Variants in GOLGA6L9 observed in about 807,000 individuals in gnomAD.
GOLGA6L9 encodes the protein golgin A6 family like 9.
A neutral mutation model predicts 51.3 loss-of-function variants in GOLGA6L9; 19 were observed. The observed-to-expected ratio is 0.37, with a 90% CI of 0.26 to 0.54. The LOEUF (loss-of-function observed/expected upper bound fraction) is 0.54. Ranked by LOEUF, GOLGA6L9 falls within the 20% of genes least tolerant of loss-of-function variation. The probability of loss-of-function intolerance (pLI) is 0.83; values close to 1 mark genes in which losing one functional copy is unlikely to be tolerated. For synonymous variants in GOLGA6L9, 97 were observed against 184.2 expected (o/e 0.53, Z 3.83); for missense variants, 247 against 464.1 (o/e 0.53, Z 4.30).
the GOLGA6L9 span, among the ~76,000 whole-genome samples, chr15:82,420,579 T>C: frequency 2.0e-5 from 3 of 152,242 alleles, no homozygotes; most frequent in African/African-American, 7.2e-5. Context: ...ATTATTAATA[T>C]CTGCATTTTA....
Position 82,434,253 on chromosome 15 carries a change from A to G in GOLGA6L9, c.653A>G (p.Gln218Arg). ...GAACAGGAGGAGAGGCTGTGTGAAC[A>G]GGAGGAGAGGCTGTGTGAACAGGAG... ...LREQEERLCE[Q>R]EERLCEQEER... Residue 218 changes from glutamine to arginine, a missense_variant, in exon 6 of 9, where the codon CAG (glutamine) becomes CGG (arginine). Coordinates refer to ENST00000618348, the MANE Select transcript of GOLGA6L9 (RefSeq NM_198181.4). 2.6e-6 allele frequency: 4 copies of G among 1,552,974 alleles called. No individual in the cohort carries two copies. The highest frequency in any genetic ancestry group is 2.3e-4 in the Middle Eastern group (1 of 4,364).
In GOLGA6L9 at chr15:82,431,876, C is replaced by T. The variant is rs2031415212; in HGVS notation, c.131C>T (p.Ala44Val). The T allele has an allele frequency of 1.4e-6, 2 of 1,446,108 alleles. 1 individual carries two copies. Among genetic ancestry groups the T allele is most frequent in the African/African-American group, 2.9e-5 (2 of 67,886 alleles). 89.6% of individuals were successfully genotyped at this position (1,446,108 alleles called of 1,614,324 possible). ...AAGAGCCCTGGCATTCCAGCAGGAGCTAACAGGAAAAAGAAAATCAATGGC... is the reference window on the plus strand; with the variant it reads ...AAGAGCCCTGGCATTCCAGCAGGAGTTAACAGGAAAAAGAAAATCAATGGC... ...QRKSPGIPAG[A>V]NRKKKINGSS... The change falls in exon 2 of 9, where the codon GCT (alanine) becomes GTT (valine). Residue 44 changes from alanine to valine, a missense_variant. Ala to Val is a moderately conservative substitution (Grantham distance 64, BLOSUM62 0). Coordinates refer to ENST00000618348, the MANE Select transcript of GOLGA6L9 (RefSeq NM_198181.4).
chr15:82,419,821 G>T, the GOLGA6L9 span, among the ~76,000 whole-genome samples: 1 of 152,014 alleles, frequency 6.6e-6, no homozygotes, highest in African/African-American at 2.4e-5. Flanking sequence ...TTGTTTTTTT[G>T]TGAGATTCTG....
Position 82,436,599 on chromosome 15 carries a change from T to A in GOLGA6L9, c.*188T>A, listed in dbSNP as rs2031693609. 5.1e-6 allele frequency: 3 copies of A among 588,550 alleles called. No individual in the cohort carries two copies. The highest frequency in any genetic ancestry group is 8.0e-6 in the Non-Finnish European group (3 of 374,760). The allele number at this position is 588,550 out of a possible 1,614,324, so 36.5% of individuals were successfully genotyped here. A position where few individuals can be genotyped will look rare whatever the true frequency, so the allele number is the denominator to read the frequency against. On this transcript the variant is annotated 3_prime_UTR_variant, in exon 9 of 9. Transcript: ENST00000618348. ...TTCTAATTTATAGTTTAAATTTATTTGTGTTTCTAATTTATAGTTTAAATT... is the reference window on the plus strand; with the variant it reads ...TTCTAATTTATAGTTTAAATTTATTAGTGTTTCTAATTTATAGTTTAAATT...
upstream of GOLGA6L9, among the ~76,000 whole-genome samples, chr15:82,424,839 AGATG>A (rs1476943637): frequency 2.7e-5 from 4 of 146,730 alleles, no homozygotes; most frequent in African/African-American, 7.7e-5. Flanking sequence ...CAATCAAGGG[AGATG>A]GATGGGTGAG....
At position 82,434,140 on chromosome 15, in the gene GOLGA6L9, C is replaced by T; in HGVS notation, c.540C>T (p.Leu180=). ...RKELESVGRQ[L]QAEVENNQML... is the part of the protein sequence containing the mutation. ...AGCTAGAGAGTGTGGGAAGACAGCT[C>T]CAGGCTGAGGTGGAAAACAATCAGA... The change falls in exon 6 of 9, where the codon CTC becomes CTT. Residue 180 remains leucine (L), a synonymous_variant. Transcript: ENST00000618348. The T allele has an allele frequency of 2.0e-6, 3 of 1,533,344 alleles. No homozygotes were observed. The highest frequency in any genetic ancestry group is 4.9e-5 in the East Asian group (2 of 40,888). The allele number at this position is 1,533,344 out of a possible 1,614,324, so 95.0% of individuals were successfully genotyped here.
In GOLGA6L9 at chr15:82,433,563, T is replaced by A. The variant is rs2031510422; in HGVS notation, c.347T>A (p.Val116Asp). 1.1e-6 allele frequency: 1 copy of A among 950,716 alleles called. No homozygotes were observed. The highest frequency in any genetic ancestry group is 2.1e-5 in the African/African-American group (1 of 47,874). 58.9% of individuals were successfully genotyped at this position (950,716 alleles called of 1,614,324 possible). A position where few individuals can be genotyped will look rare whatever the true frequency, so the allele number is the denominator to read the frequency against. Residue 116 changes from valine (V) to aspartate (D), a missense_variant and splice_region_variant, in exon 5 of 9, where the codon GTT (valine) becomes GAT (aspartate). Around this residue, in one of 9 missense-constraint regions of GOLGA6L9, gnomAD observed 74 missense variants for 91.2 expected, o/e 0.81. Transcript: ENST00000618348. ...SQLTENINSL[V>D]RTSKEEKKHE... ...CTTTTCCCCCTTTGCTTTGGGCAGG[T>A]TCGCACATCTAAGGAGGAGAAGAAG...
Position 82,432,746 on chromosome 15 carries a change from G to T in GOLGA6L9, c.265-71G>T, listed in dbSNP as rs2031462439. On this transcript the variant is annotated intron_variant, in intron 3 of 8. Transcript: ENST00000618348. ...TGAGGCAGCCCACACACCCCCACCA[G>T]CCCTAATGATTATTCTCTCTACCCC... The T allele has an allele frequency of 6.4e-6, 10 of 1,567,668 alleles. No individual in the cohort carries two copies. In the East Asian group the frequency reaches 2.0e-4, roughly 32 times the overall value.
rs1320070107 is a variant in GOLGA6L9 at position 82,436,960 on chromosome 15, C to T, written c.*549C>T. On this transcript the variant is annotated 3_prime_UTR_variant, in exon 9 of 9. Coordinates refer to ENST00000618348, the MANE Select transcript of GOLGA6L9 (RefSeq NM_198181.4). ...CTAATCACAGTGAGCTCTTCATTAG[C>T]TCAATATGTGGTTTGCCCTCTGGAA... The T allele has an allele frequency of 1.3e-5, 2 of 158,604 alleles. No individual in the cohort carries two copies. Among genetic ancestry groups the T allele is most frequent in the Non-Finnish European group, 2.8e-5 (2 of 72,306 alleles). 9.8% of individuals were successfully genotyped at this position (158,604 alleles called of 1,614,324 possible). A position where few individuals can be genotyped will look rare whatever the true frequency, so the allele number is the denominator to read the frequency against.
chr15:82,416,233 CAAG>C, the GOLGA6L9 span, among the ~76,000 whole-genome samples: 1 of 151,990 alleles, frequency 6.6e-6, no homozygotes, highest in Non-Finnish European at 1.5e-5. Context: ...AGCTATAACA[CAAG>C]GAGGGTAGGA....
At chr15:82,432,340 A>C in intron 2 of GOLGA6L9, 1 of 857,542 alleles carries the variant, frequency 1.2e-6, no homozygotes, top group Non-Finnish European at 1.7e-6. Context: ...GCCAATGAGA[A>C]GAGCCACTTG....
rs2031749773 is a variant in GOLGA6L9 at position 82,437,708 on chromosome 15, A to T, written c.*1297A>T. ...ATTATAAACTAATATATGTGAGAGTACTTAGTTGAAACAAAAAGGAGTTTT... is the reference window on the plus strand; with the variant it reads ...ATTATAAACTAATATATGTGAGAGTTCTTAGTTGAAACAAAAAGGAGTTTT... On this transcript the variant is annotated 3_prime_UTR_variant, in exon 9 of 9. Transcript: ENST00000618348. 6.7e-6 allele frequency: 1 copy of T among 148,714 alleles called. No homozygotes were observed. The highest frequency in any genetic ancestry group is 1.9e-4 in the East Asian group (1 of 5,162). The allele number at this position is 148,714 out of a possible 1,614,324, so 9.2% of individuals were successfully genotyped here. A position where few individuals can be genotyped will look rare whatever the true frequency, so the allele number is the denominator to read the frequency against.
At chr15:82,417,125 C>A in the GOLGA6L9 span, among the ~76,000 whole-genome samples, 4 of 152,294 alleles carry the variant, frequency 2.6e-5, no homozygotes, top group South Asian at 8.3e-4. Flanking sequence ...TTGTAATTGA[C>A]TTTTCTTTGA....
upstream of GOLGA6L9, among the ~76,000 whole-genome samples, chr15:82,427,180 TTTC>T (rs1227200662): frequency 1.3e-5 from 2 of 151,188 alleles, no homozygotes; most frequent in Non-Finnish European, 3.0e-5. Flanking sequence ...TTTTTCTTCT[TTTC>T]TTTTTCCTTT....
At chr15:82,419,948 T>G in the GOLGA6L9 span, 1 of 296,926 alleles carries the variant, frequency 3.4e-6, no homozygotes, top group African/African-American at 2.2e-5. Flanking sequence ...GGAACGCTGC[T>G]GTGTTCTAGA....
rs1182424592 is a variant in GOLGA6L9, at chr15:82,433,175, A to G, written c.345+278A>G. 3.3e-4 allele frequency among the ~76,000 whole-genome samples: 49 copies of G among 150,600 alleles called. No individual in the cohort carries two copies. In the East Asian group the frequency reaches 9.6e-3, roughly 30 times the overall value. ...CACCTCTCTGGGAAGCACTAGCCTG[A>G]CTGGTTGTCAGAGGTCCATATTCCT... On this transcript the variant is annotated intron_variant, in intron 4 of 8. Transcript: ENST00000618348.
Position 82,432,797 on chromosome 15 carries a change from T to C in GOLGA6L9, c.265-20T>C, listed in dbSNP as rs1275634334. On this transcript the variant is annotated intron_variant, in intron 3 of 8. Transcript: ENST00000618348. ...TCCCCACAATCTTTCTCCAACTCCTTCTCTCTGCATGCACCTCAGAGCCAG... is the reference window on the plus strand; with the variant it reads ...TCCCCACAATCTTTCTCCAACTCCTCCTCTCTGCATGCACCTCAGAGCCAG... 5.6e-6 allele frequency: 9 copies of C among 1,602,870 alleles called. No individual in the cohort carries two copies. The African/African-American group carries it at 1.1e-4, about 20-fold the overall frequency.
Position 82,434,239 on chromosome 15 carries a change from G to C in GOLGA6L9, c.639G>C (p.Glu213Asp). Residue 213 changes from glutamate to aspartate, a missense_variant, in exon 6 of 9, where the codon GAG becomes GAC. This residue lies in a region of GOLGA6L9 where 66 missense variants were observed against 66.2 expected (regional missense o/e 1.00). Transcript: ENST00000618348. ...EQEERLREQE[E>D]RLCEQEERLC... ...AGGAGAGGCTACGTGAACAGGAGGAGAGGCTGTGTGAACAGGAGGAGAGGC... is the reference window on the plus strand; with the variant it reads ...AGGAGAGGCTACGTGAACAGGAGGACAGGCTGTGTGAACAGGAGGAGAGGC... 6.4e-7 allele frequency: 1 copy of C among 1,551,624 alleles called. No individual in the cohort carries two copies. The highest frequency in any genetic ancestry group is 1.2e-5 in the South Asian group (1 of 84,338).
chr15:82,424,593 A>G, the GOLGA6L9 span, among the ~76,000 whole-genome samples: 1 of 152,044 alleles, frequency 6.6e-6, no homozygotes. Flanking sequence ...GGGCTTGGCC[A>G]GAGGTCAGAT....
Sources: allele counts gnomAD v4.1 joint callset (sites outside exome capture counted in the v4.1 genomes callset), GRCh38; gene constraint gnomAD v4.1.1; regional missense constraint gnomAD v4.1.1; transcripts MANE v1.5; gene names NCBI Gene and HGNC (gene_info 2026-07-23, HGNC 2026-07-21).